The following CPNE4 variants were observed in gnomAD, a reference collection of about 807,000 sequenced individuals.
CPNE4 encodes the protein copine-4.
In CPNE4, 25 loss-of-function variants were observed where a neutral mutation model predicts 67.9. The observed-to-expected ratio is 0.37, with a 90% confidence interval of 0.27 to 0.51. CPNE4 has a LOEUF of 0.51. Ranked by LOEUF, CPNE4 falls within the 20% of genes least tolerant of loss-of-function variation. The probability of loss-of-function intolerance (pLI) is 0.93; values close to 1 mark genes in which losing one functional copy is unlikely to be tolerated. For synonymous variants in CPNE4, 242 were observed against 244.9 expected (o/e 0.99, Z 0.11); for missense variants, 464 against 690.8 (o/e 0.67, Z 3.68).
chr3:131,580,279 G>A (rs1027345948), intron 9 of CPNE4, among the ~76,000 whole-genome samples: 2 of 152,106 alleles, frequency 1.3e-5, no homozygotes, highest in African/African-American at 4.8e-5. Context: ...ATAGACTACA[G>A]TATAGTGTAA....
At chr3:132,037,669 C>T (rs965236754), upstream of CPNE4, 1 of 1,451,098 alleles carries the variant, frequency 6.9e-7, no homozygotes, top group Admixed American at 2.0e-5. Context: ...TCCCAAGTTG[C>T]AAAGGAAGCT....
intron 1 of CPNE4, among the ~76,000 whole-genome samples, chr3:131,987,791 C>G (rs1253626754): frequency 6.6e-6 from 1 of 152,170 alleles, no homozygotes; most frequent in African/African-American, 2.4e-5. Context: ...AGATTTCTAA[C>G]ACGTTCCCAA....
intron 2 of CPNE4, among the ~76,000 whole-genome samples, chr3:131,734,609 C>T (rs1025716773): frequency 3.9e-5 from 6 of 152,058 alleles, no homozygotes; most frequent in African/African-American, 1.4e-4. Context: ...ACTCTCAGGC[C>T]ATGCAGTGAC....
At chr3:131,637,061 T>G (rs57297708) in intron 7 of CPNE4, among the ~76,000 whole-genome samples, 2,199 of 152,228 alleles carry the variant, frequency 0.014, 56 homozygotes, top group African/African-American at 0.05. Flanking sequence ...TCCCAGATCT[T>G]TCCTCTGACA....
intron 1 of CPNE4, among the ~76,000 whole-genome samples, chr3:131,997,735 T>C (rs1282161152): frequency 2.6e-5 from 4 of 152,130 alleles, no homozygotes; most frequent in African/African-American, 9.7e-5. Flanking sequence ...ATGCTCAGCA[T>C]GGTCACAGGT....
At chr3:131,970,364 T>G (rs543189881) in intron 1 of CPNE4, among the ~76,000 whole-genome samples, 1 of 152,334 alleles carries the variant, frequency 6.6e-6, no homozygotes, top group East Asian at 1.9e-4. Context: ...TACAGTGATA[T>G]AATCCAGTGT....
In CPNE4 at chr3:132,002,515, T is replaced by G. The variant is rs368791198; in HGVS notation, c.-2+32052A>C. Among the ~76,000 whole-genome samples, 10 of 152,262 alleles carry G rather than the reference T, an allele frequency of 6.6e-5. No homozygotes were observed. In the South Asian group the frequency reaches 1.0e-3, roughly 16 times the overall value. On this transcript the variant is annotated intron_variant, in intron 1 of 15. Coordinates refer to ENST00000429747, the MANE Select transcript of CPNE4 (RefSeq NM_130808.3). Reference sequence around the variant, plus strand: ...ATCCAAAAAGGTAGCACTAAAAGAATGTGAAGAATGACAAGAAAGTCTTTA... The same window carrying G: ...ATCCAAAAAGGTAGCACTAAAAGAAGGTGAAGAATGACAAGAAAGTCTTTA...
At chr3:131,708,163 T>G (rs2081460508) in intron 3 of CPNE4, among the ~76,000 whole-genome samples, 1 of 152,130 alleles carries the variant, frequency 6.6e-6, no homozygotes, top group Non-Finnish European at 1.5e-5. Context: ...TTGATGGGCC[T>G]TCATGACTGA....
At chr3:131,811,995 T>C (rs549635555) in intron 2 of CPNE4, among the ~76,000 whole-genome samples, 12 of 152,160 alleles carry the variant, frequency 7.9e-5, no homozygotes, top group Admixed American at 6.5e-4. Context: ...TATTTAAGTA[T>C]AGGAGAGTGC....
chr3:132,038,873 G>A (rs2074374683), upstream of CPNE4, among the ~76,000 whole-genome samples: 1 of 152,044 alleles, frequency 6.6e-6, no homozygotes, highest in Non-Finnish European at 1.5e-5. Flanking sequence ...TTTTGTGGAG[G>A]GTAGCAACGT....
At chr3:132,039,574 C>A (rs1397949240), upstream of CPNE4, 1 of 152,156 alleles carries the variant, frequency 6.6e-6, no homozygotes, top group Non-Finnish European at 1.5e-5. Flanking sequence ...TTTCCAGTTT[C>A]CTTTACTTTG....
At chr3:131,656,670 C>T (rs1418976542) in intron 7 of CPNE4, among the ~76,000 whole-genome samples, 1 of 152,136 alleles carries the variant, frequency 6.6e-6, no homozygotes, top group Non-Finnish European at 1.5e-5. Context: ...AGTTCCTTTC[C>T]CACGGACCTT....
At chr3:132,003,665 G>T (rs6789341) in intron 1 of CPNE4, among the ~76,000 whole-genome samples, 118,701 of 151,916 alleles carry the variant, frequency 0.78, 47,362 homozygotes, top group South Asian at 0.89. Context: ...CACTGTCCTT[G>T]AATTATATTA....
At chr3:131,619,451 T>A (rs982896986) in intron 7 of CPNE4, among the ~76,000 whole-genome samples, 1 of 152,140 alleles carries the variant, frequency 6.6e-6, no homozygotes, top group East Asian at 1.9e-4. Flanking sequence ...GGGAGAGACA[T>A]GAAGGGCGGT....
chr3:131,943,247 G>T (rs919616357), intron 1 of CPNE4, among the ~76,000 whole-genome samples: 12 of 152,066 alleles, frequency 7.9e-5, no homozygotes, highest in Non-Finnish European at 1.5e-4. Context: ...AGCCTAAATA[G>T]CCTCCTGTCA....
intron 2 of CPNE4, among the ~76,000 whole-genome samples, chr3:131,895,700 C>T (rs1248215684): frequency 6.6e-6 from 1 of 151,922 alleles, no homozygotes; most frequent in African/African-American, 2.4e-5. Context: ...ATATGTAAAT[C>T]ATCTCACTAA....
At chr3:131,970,207 GA>G (rs1338369951) in intron 1 of CPNE4, among the ~76,000 whole-genome samples, 1 of 152,174 alleles carries the variant, frequency 6.6e-6, no homozygotes, top group East Asian at 1.9e-4. Flanking sequence ...ATGTTGAGAT[GA>G]AGCTTCACTT....
At chr3:131,753,538 G>C (rs2082681207) in intron 2 of CPNE4, among the ~76,000 whole-genome samples, 2 of 152,046 alleles carry the variant, frequency 1.3e-5, no homozygotes, top group African/African-American at 4.8e-5. Flanking sequence ...ATGACAAAAA[G>C]TTAATGCCAA....
chr3:131,723,745 T>C lies in CPNE4; in HGVS notation c.181-120A>G, dbSNP rs111604212. The C allele has an allele frequency of 5.3e-4, 449 of 851,954 alleles. 6 individuals are homozygous for C. The South Asian group carries it at 7.2e-3, about 14-fold the overall frequency. 52.8% of individuals were successfully genotyped at this position (851,954 alleles called of 1,614,324 possible). On this transcript the variant is annotated intron_variant, in intron 2 of 15. Coordinates refer to ENST00000429747, the MANE Select transcript of CPNE4 (RefSeq NM_130808.3). ...ACCATAAATGCTCCCCAGCAAGTCA[T>C]TGGGTGGGCAGTCCAAAAGTACAAA...
Sources: gnomAD v4.1 joint callset for allele counts (sites outside exome capture counted in the v4.1 genomes callset) on GRCh38, gnomAD v4.1.1 for gene constraint, MANE v1.5 for transcripts, NCBI Gene and HGNC (gene_info 2026-07-23, HGNC 2026-07-21) for gene names.